POT1: variants seen among roughly 807,000 people sequenced by gnomAD.
POT1 encodes the protein protection of telomeres protein 1.
POT1 carries 47 observed loss-of-function variants against 78.5 expected under a neutral mutation model. That is an observed-to-expected ratio of 0.60 (90% CI 0.47 to 0.76). The LOEUF (loss-of-function observed/expected upper bound fraction) is 0.76, where lower values mean the gene tolerates loss of function less well. POT1 is among the 30% of genes least tolerant of loss of function. The probability of loss-of-function intolerance (pLI) is 0.00; values close to 1 mark genes in which losing one functional copy is unlikely to be tolerated. For missense variants in POT1, 646 were observed against 749.9 expected (o/e 0.86, Z 1.62); for synonymous variants, 259 against 260.7 (o/e 0.99, Z 0.06).
chr7:124,886,469 A>G (rs903264593), intron 6 of POT1, among the ~76,000 whole-genome samples: 9 of 152,176 alleles, frequency 5.9e-5, no homozygotes, highest in South Asian at 2.1e-4. Flanking sequence ...TTTCTCTAAT[A>G]TAACTGTAAC....
chr7:124,909,900 A>G (rs1178041568), intron 3 of POT1, among the ~76,000 whole-genome samples: 1 of 151,966 alleles, frequency 6.6e-6, no homozygotes, highest in African/African-American at 2.4e-5. Context: ...TTTAAAATAT[A>G]AACAAATTGA....
chr7:124,884,167 G>GAAAATAATCAATATT (rs979719209), intron 6 of POT1, among the ~76,000 whole-genome samples: 2 of 152,006 alleles, frequency 1.3e-5, no homozygotes, highest in Non-Finnish European at 2.9e-5. Context: ...TCTCAGATGT[G>GAAAATAATCAATATT]AAAATAATCA....
intron 6 of POT1, among the ~76,000 whole-genome samples, chr7:124,884,584 C>T (rs1796199038): frequency 6.6e-6 from 1 of 151,298 alleles, no homozygotes; most frequent in Non-Finnish European, 1.5e-5. Context: ...TTATGTGGCA[C>T]AAAAAGGATG....
chr7:124,846,927 G>T lies in POT1; in HGVS notation c.1006+15C>A. The T allele has an allele frequency of 6.5e-7, 1 of 1,548,952 alleles. No individual in the cohort carries two copies. Among genetic ancestry groups the T allele is most frequent in the Non-Finnish European group, 8.9e-7 (1 of 1,121,330 alleles). On this transcript the variant is annotated intron_variant, in intron 12 of 18. Transcript: ENST00000357628. ...TCATTACTGTGCCCATCTCAAAAAT[G>T]ATACATAGTCTTACTTGTAGCAGAT...
chr7:124,918,802 G>A (rs567207809), intron 2 of POT1, among the ~76,000 whole-genome samples: 17 of 152,174 alleles, frequency 1.1e-4, no homozygotes, highest in African/African-American at 3.1e-4. Flanking sequence ...TCCCTCTCTC[G>A]GGAGGGGTAA....
intron 3 of POT1, among the ~76,000 whole-genome samples, chr7:124,908,146 A>T (rs879392139): frequency 1.3e-5 from 2 of 152,004 alleles, no homozygotes; most frequent in Non-Finnish European, 2.9e-5. Flanking sequence ...GCATTAAATA[A>T]TTTTCCTATA....
chr7:124,914,278 C>CA (rs1273732179), intron 3 of POT1, among the ~76,000 whole-genome samples: 1 of 152,060 alleles, frequency 6.6e-6, no homozygotes, highest in Non-Finnish European at 1.5e-5. Flanking sequence ...CCTGAGTACT[C>CA]AGACTTTGTT....
At chr7:124,898,082 T>C (rs538877509) in intron 4 of POT1, among the ~76,000 whole-genome samples, 179 bp downstream of exon 4, 2 of 151,936 alleles carry the variant, frequency 1.3e-5, no homozygotes, top group Non-Finnish European at 2.9e-5. Context: ...TTCTATCTTG[T>C]CATTCGAAAA....
At chr7:124,827,069 A>G (rs1794647809) in intron 17 of POT1, 145 bp downstream of exon 17, 2 of 399,288 alleles carry the variant, frequency 5.0e-6, no homozygotes, top group Admixed American at 4.3e-5. Context: ...TACACAGATG[A>G]TTCAAGATTT....
rs531703599 is a variant in POT1 at position 124,901,336 on chromosome 7, C to T, written c.-153-2962G>A. Among the ~76,000 whole-genome samples the T allele has an allele frequency of 1.2e-4, 19 of 152,282 alleles. No individual in the cohort carries two copies. In the South Asian group the frequency reaches 3.7e-3, roughly 30 times the overall value. ...GGATCAGGCAGCAACATTTGCTGTTCTGCAATATTTGCTGTTCTGCAGCCT... is the reference window on the plus strand; with the variant it reads ...GGATCAGGCAGCAACATTTGCTGTTTTGCAATATTTGCTGTTCTGCAGCCT... On this transcript the variant is annotated intron_variant, in intron 3 of 18. Coordinates refer to ENST00000357628, the MANE Select transcript of POT1 (RefSeq NM_015450.3).
chr7:124,912,609 A>G (rs1796913626), intron 3 of POT1, among the ~76,000 whole-genome samples: 1 of 152,086 alleles, frequency 6.6e-6, no homozygotes, highest in African/African-American at 2.4e-5. Context: ...TCTTCCCTAG[A>G]ACGTATGCTG....
In POT1 at chr7:124,892,283, T is replaced by C. The variant is rs1057524691; in HGVS notation, c.107A>G (p.Tyr36Cys). 1 of 1,539,490 alleles carries C rather than the reference T, an allele frequency of 6.5e-7. No individual in the cohort carries two copies. Among genetic ancestry groups the C allele is most frequent in the Non-Finnish European group, 8.7e-7 (1 of 1,148,650 alleles). Residue 36 changes from tyrosine to cysteine, a missense_variant, in exon 6 of 19, where the codon TAT becomes TGT. Physicochemically the swap from Tyr to Cys is radical, Grantham distance 194. Transcript: ENST00000357628. ...YGVVKFFKPP[Y>C]LSKGTDYCSV... ...ATACCTACCAGTTCCTTTGCTTAGA[T>C]ATGGGGGCTTAAAGAACTTCACAAC... is the stretch of plus-strand genomic sequence containing the variant.
chr7:124,828,545 G>A (rs10233589), intron 16 of POT1, among the ~76,000 whole-genome samples: 57,859 of 151,818 alleles, frequency 0.38, 11,342 homozygotes, highest in East Asian at 0.5. Context: ...TAATACAGGG[G>A]AACTGAATTT....
chr7:124,866,802 G>A (rs1007419414), intron 7 of POT1, among the ~76,000 whole-genome samples: 3 of 152,158 alleles, frequency 2.0e-5, no homozygotes, highest in East Asian at 1.9e-4. Context: ...GCCTCATAAC[G>A]TTTTATGGGT....
chr7:124,824,140 T>C, intron 18 of POT1, 66 bp from the exon 19 acceptor site: 1 of 880,330 alleles, frequency 1.1e-6, no homozygotes, highest in Non-Finnish European at 1.7e-6. Flanking sequence ...CTGAAATAGG[T>C]ACCTAAGCTT....
chr7:124,898,087 C>T (rs1006755762), intron 4 of POT1, among the ~76,000 whole-genome samples, 174 bp downstream of exon 4: 9 of 151,116 alleles, frequency 6.0e-5, no homozygotes, highest in Admixed American at 3.3e-4. Flanking sequence ...TCTTGTCATT[C>T]GAAAAATAAA....
At chr7:124,904,144 G>A (rs1385048797) in intron 3 of POT1, among the ~76,000 whole-genome samples, 3 of 152,122 alleles carry the variant, frequency 2.0e-5, no homozygotes, top group Admixed American at 6.5e-5. Context: ...GAAACAGAGG[G>A]AATCCTCCCT....
intron 8 of POT1, among the ~76,000 whole-genome samples, chr7:124,863,031 T>C (rs1213732463): frequency 1.3e-5 from 2 of 152,148 alleles, no homozygotes; most frequent in African/African-American, 4.8e-5. Flanking sequence ...GAAATATTCA[T>C]GTATAGGACT....
chr7:124,867,299 T>C (rs990405277), intron 7 of POT1, among the ~76,000 whole-genome samples: 1 of 152,196 alleles, frequency 6.6e-6, no homozygotes, highest in Non-Finnish European at 1.5e-5. Context: ...GTTATCCACG[T>C]TAGTAAGAGA....
Sources: allele counts gnomAD v4.1 joint callset (sites outside exome capture counted in the v4.1 genomes callset), GRCh38; gene constraint gnomAD v4.1.1; transcripts MANE v1.5; gene names NCBI Gene and HGNC (gene_info 2026-07-23, HGNC 2026-07-21).